Variants in KANSL1 observed in about 807,000 individuals in gnomAD.
KANSL1 encodes the protein MLL1/MLL complex subunit KANSL1.
KANSL1 carries 22 observed loss-of-function variants against 103.6 expected under a neutral mutation model. The observed-to-expected ratio is 0.21, with a 90% CI of 0.15 to 0.30. The LOEUF is 0.30. KANSL1 is among the 10% of genes least tolerant of loss of function. The pLI is 1.00. For synonymous variants in KANSL1, 600 were observed against 527.6 expected (o/e 1.14, Z -1.88); for missense variants, 1,337 against 1,399.8 (o/e 0.96, Z 0.72).
intron 2 of KANSL1, among the ~76,000 whole-genome samples, chr17:46,160,279 A>G (rs1304598511): frequency 6.6e-6 from 1 of 152,308 alleles, no homozygotes; most frequent in Non-Finnish European, 1.5e-5. Flanking sequence ...AGTCTGCCCT[A>G]GCAAAATGTC....
At chr17:46,094,269 G>C in intron 3 of KANSL1, 1 of 354,204 alleles carries the variant, frequency 2.8e-6, no homozygotes, top group Non-Finnish European at 5.0e-6. Flanking sequence ...ACTAATTTTT[G>C]TAATTTTTGT....
intron 1 of KANSL1, chr17:46,214,943 T>A (rs1597985069): frequency 6.6e-6 from 1 of 152,278 alleles, no homozygotes; most frequent in East Asian, 1.9e-4. Flanking sequence ...TAAAAATGTT[T>A]CTCATATGCT....
chr17:46,150,951 G>T (rs1453186349), intron 2 of KANSL1, among the ~76,000 whole-genome samples: 4 of 147,306 alleles, frequency 2.7e-5, no homozygotes, highest in Non-Finnish European at 5.9e-5. Flanking sequence ...AAAAACACGA[G>T]TATCTTGTGT....
Position 46,171,702 on chromosome 17 carries a change from C to A in KANSL1, c.442G>T (p.Ala148Ser). ...CCATTTACAGGTGCTTGTGGCAGAG[C>A]TGTCTGACCACTCGTATTCATGGTT... ...LRTMNTSGQT[A>S]LPQAPVNGLA... Residue 148 changes from alanine to serine, a missense_variant, in exon 2 of 15, where the codon GCT becomes TCT. This residue lies in a region of KANSL1 where 557 missense variants were observed against 476.4 expected (regional missense o/e 1.17). Transcript: ENST00000432791. 1 of 1,557,006 alleles carries A rather than the reference C, an allele frequency of 6.4e-7. No individual in the cohort carries two copies. The highest frequency in any genetic ancestry group is 8.6e-7 in the Non-Finnish European group (1 of 1,156,194).
intron 14 of KANSL1, 136 bp downstream of exon 14, chr17:46,031,911 G>T (rs1490293947): frequency 3.2e-6 from 4 of 1,263,470 alleles, no homozygotes; most frequent in South Asian, 1.4e-5. Flanking sequence ...TGAACGTTGA[G>T]GAGATCAATT....
intron 2 of KANSL1, among the ~76,000 whole-genome samples, chr17:46,141,608 A>G (rs1454796540): frequency 6.6e-6 from 1 of 152,254 alleles, no homozygotes; most frequent in Non-Finnish European, 1.5e-5. Flanking sequence ...GTATACTCAT[A>G]AAAGGAATTA....
At chr17:46,202,712 A>G (rs1002224393) in intron 1 of KANSL1, among the ~76,000 whole-genome samples, 9 of 152,236 alleles carry the variant, frequency 5.9e-5, no homozygotes, top group African/African-American at 2.2e-4. Flanking sequence ...TCATTTACAA[A>G]GAAATCATGT....
In KANSL1 at chr17:46,030,884, C is replaced by CT. The variant is rs1216831083; in HGVS notation, c.*591dup. The CT allele has an allele frequency of 2.0e-5, 3 of 152,740 alleles. No homozygotes were observed. Among genetic ancestry groups the CT allele is most frequent in the Middle Eastern group, 3.4e-3 (1 of 294 alleles). The allele number at this position is 152,740 out of a possible 1,614,324, so 9.5% of individuals were successfully genotyped here. A position where few individuals can be genotyped will look rare whatever the true frequency, so the allele number is the denominator to read the frequency against. ...AATGCAGATGAAACAAAAAATCAGT[C>CT]TCTTAAGTTCTGGGTGAGAAAGGAA... On this transcript the variant is annotated 3_prime_UTR_variant, in exon 15 of 15. Transcript: ENST00000432791.
chr17:46,126,580 G>A lies in KANSL1; in HGVS notation c.1290-31879C>T, dbSNP rs1468221082. ...TTTTGGAATATTTTGGCAAATAAAG[G>A]GGGGCTTTAAAACATGAAATTTTTT... On this transcript the variant is annotated intron_variant, in intron 2 of 14. Coordinates refer to ENST00000432791, the MANE Select transcript of KANSL1 (RefSeq NM_015443.4). Among the ~76,000 whole-genome samples, 3 of 152,122 alleles carry A rather than the reference G, an allele frequency of 2.0e-5. No individual in the cohort carries two copies. The South Asian group carries it at 6.2e-4, about 31-fold the overall frequency.
chr17:46,064,229 G>C (rs1030706830), intron 6 of KANSL1, among the ~76,000 whole-genome samples: 1 of 152,018 alleles, frequency 6.6e-6, no homozygotes, highest in Non-Finnish European at 1.5e-5. Flanking sequence ...TTTCTTTAAA[G>C]AGAACATGGC....
chr17:46,093,241 T>C (rs2079484465), intron 3 of KANSL1: 1 of 152,406 alleles, frequency 6.6e-6, no homozygotes, highest in Admixed American at 6.5e-5. Context: ...TTCTTAGTCA[T>C]CATTCCAGTT....
chr17:46,049,240 C>CTTTTTTTTTT (rs34418861), intron 7 of KANSL1, among the ~76,000 whole-genome samples: 5 of 75,772 alleles, frequency 6.6e-5, no homozygotes, highest in Non-Finnish European at 4.8e-5. Flanking sequence ...CATCCAAGAC[C>CTTTTTTTTTT]TTTTTTTTTT....
At chr17:46,168,933 A>G (rs2046142721) in intron 2 of KANSL1, among the ~76,000 whole-genome samples, 1 of 152,246 alleles carries the variant, frequency 6.6e-6, no homozygotes, top group Non-Finnish European at 1.5e-5. Context: ...ATCCTACAGA[A>G]TAAGAAAAAT....
At chr17:46,148,460 C>T (rs1446036422) in intron 2 of KANSL1, among the ~76,000 whole-genome samples, 1 of 152,220 alleles carries the variant, frequency 6.6e-6, no homozygotes, top group African/African-American at 2.4e-5. Flanking sequence ...AAACAGGAAA[C>T]GTTCCTATCT....
intron 2 of KANSL1, among the ~76,000 whole-genome samples, chr17:46,144,667 G>A (rs1006566038): frequency 1.3e-5 from 2 of 148,506 alleles, no homozygotes; most frequent in African/African-American, 5.0e-5. Context: ...ATATCCAGGG[G>A]ATACTACATA....
chr17:46,032,027 C>T lies in KANSL1; in HGVS notation c.3090+20G>A. 6.2e-7 allele frequency: 1 copy of T among 1,613,808 alleles called. No individual in the cohort carries two copies. Among genetic ancestry groups the T allele is most frequent in the South Asian group, 1.1e-5 (1 of 91,060 alleles). ...CATCCCCCAACCATGCCAACCCCAC[C>T]CAAAGGCTGCGTCCCTTACCTGTTC... is the stretch of plus-strand genomic sequence containing the variant. On this transcript the variant is annotated intron_variant, in intron 14 of 14. Transcript: ENST00000432791.
chr17:46,039,410 T>C (rs2077247516), intron 8 of KANSL1, 195 bp from the exon 9 acceptor site: 3 of 607,720 alleles, frequency 4.9e-6, no homozygotes, highest in Non-Finnish European at 8.4e-6. Context: ...CAGAGAAACA[T>C]GTCACCAGGA....
At chr17:46,214,065 T>G (rs1419762292) in intron 1 of KANSL1, among the ~76,000 whole-genome samples, 1 of 152,214 alleles carries the variant, frequency 6.6e-6, no homozygotes, top group Admixed American at 6.5e-5. Context: ...CACTCTAAAT[T>G]ACCAAATGAC....
At chr17:46,162,663 C>T (rs2045803050) in intron 2 of KANSL1, among the ~76,000 whole-genome samples, 1 of 152,246 alleles carries the variant, frequency 6.6e-6, no homozygotes, top group South Asian at 2.1e-4. Context: ...GCTGAGTCCA[C>T]CATTCAGCTA....
Sources: gnomAD v4.1 joint callset for allele counts (sites outside exome capture counted in the v4.1 genomes callset) on GRCh38, gnomAD v4.1.1 for gene constraint, gnomAD v4.1.1 regional missense constraint, MANE v1.5 for transcripts, NCBI Gene and HGNC (gene_info 2026-07-23, HGNC 2026-07-21) for gene names.